The following MRM1 variants were observed in gnomAD, a reference collection of about 807,000 sequenced individuals.
MRM1 encodes rRNA methyltransferase 1, mitochondrial.
A neutral mutation model predicts 25.0 loss-of-function variants in MRM1; 24 were observed. The ratio of observed to expected loss-of-function variants is 0.96; its 90% CI spans 0.69 to 1.35. The LOEUF is 1.35. Ranked by LOEUF, MRM1 falls within the 40% of genes most tolerant of loss-of-function variation. MRM1 has a pLI of 0.00. For synonymous variants in MRM1, 188 were observed against 199.2 expected (o/e 0.94, Z 0.47); for missense variants, 431 against 464.1 (o/e 0.93, Z 0.65).
intron 2 of MRM1, among the ~76,000 whole-genome samples, chr17:36,605,907 C>T (rs931352768): frequency 1.3e-5 from 2 of 152,162 alleles, no homozygotes; most frequent in African/African-American, 4.8e-5. Flanking sequence ...TGGCTCTCAG[C>T]ACAGCAGGCA....
the MRM1 span, among the ~76,000 whole-genome samples, chr17:36,633,795 A>ATAAT: frequency 6.6e-6 from 1 of 151,982 alleles, no homozygotes; most frequent in African/African-American, 2.4e-5. Flanking sequence ...GAAGGAGGAG[A>ATAAT]TAATTTAGGC....
the MRM1 span, among the ~76,000 whole-genome samples, chr17:36,632,161 T>C: frequency 2.0e-5 from 3 of 152,166 alleles, no homozygotes; most frequent in African/African-American, 7.2e-5. Flanking sequence ...CTAGAGGTTT[T>C]TGATGTGCCC....
chr17:36,602,698 T>C lies in MRM1; in HGVS notation c.636+52T>C. 1.9e-6 allele frequency: 3 copies of C among 1,598,192 alleles called. No homozygotes were observed. The highest frequency in any genetic ancestry group is 2.6e-6 in the Non-Finnish European group (3 of 1,165,688). ...CAGATGTGAGCCCAGCTCAGCCTCT[T>C]CAAGGGGACGAAGCTAGCCCCTGGC... is the stretch of plus-strand genomic sequence containing the variant. On this transcript the variant is annotated intron_variant, in intron 2 of 4. Transcript: ENST00000614766. This position sits in a 1 kb window ranked among gnomAD's most constrained non-coding sequence, Gnocchi z 4.1.
intron 2 of MRM1, among the ~76,000 whole-genome samples, chr17:36,607,389 G>A (rs2074939349): frequency 6.6e-6 from 1 of 152,096 alleles, no homozygotes; most frequent in Admixed American, 6.5e-5. Flanking sequence ...GGGAGGCCAA[G>A]GTGGGAGGAT....
chr17:36,614,416 T>C, the MRM1 span, among the ~76,000 whole-genome samples: 1 of 152,200 alleles, frequency 6.6e-6, no homozygotes, highest in Non-Finnish European at 1.5e-5. Flanking sequence ...AGTTTTATGT[T>C]GGCCGCTGAC....
the MRM1 span, among the ~76,000 whole-genome samples, chr17:36,627,674 G>A: frequency 1.2e-5 from 1 of 83,728 alleles, no homozygotes; most frequent in Non-Finnish European, 2.2e-5. Context: ...TTTGGACACT[G>A]TTTTTTTTTT....
the MRM1 span, among the ~76,000 whole-genome samples, chr17:36,621,859 C>T: frequency 6.6e-6 from 1 of 152,048 alleles, no homozygotes; most frequent in Non-Finnish European, 1.5e-5. Flanking sequence ...TCTGTCTATC[C>T]CCGTCTTCCT....
chr17:36,628,238 T>A, the MRM1 span, among the ~76,000 whole-genome samples: 1 of 152,240 alleles, frequency 6.6e-6, no homozygotes, highest in East Asian at 1.9e-4. Context: ...TCCTCTGGCC[T>A]TGGCCTCTCA....
chr17:36,619,523 CCAGGT>C, the MRM1 span, among the ~76,000 whole-genome samples: 1 of 152,118 alleles, frequency 6.6e-6, no homozygotes, highest in Admixed American at 6.6e-5. Flanking sequence ...CAAAAATTAG[CCAGGT>C]GTGGTAGCGC....
At chr17:36,606,027 T>C (rs2074925526) in intron 2 of MRM1, among the ~76,000 whole-genome samples, 1 of 152,198 alleles carries the variant, frequency 6.6e-6, no homozygotes, top group African/African-American at 2.4e-5. Flanking sequence ...CTGGAGACCA[T>C]ACCTCATGTG....
chr17:36,603,528 A>C (rs543964509), intron 2 of MRM1, among the ~76,000 whole-genome samples: 4 of 151,838 alleles, frequency 2.6e-5, no homozygotes, highest in African/African-American at 9.7e-5. Flanking sequence ...CAGCCTTCCA[A>C]GTAACTGGGA....
At chr17:36,624,337 C>T in the MRM1 span, among the ~76,000 whole-genome samples, 1 of 152,176 alleles carries the variant, frequency 6.6e-6, no homozygotes, top group Non-Finnish European at 1.5e-5. The surrounding 1 kb of genome is among the most constrained non-coding windows in gnomAD (Gnocchi z 4.0). Flanking sequence ...TGTCAGCTGC[C>T]CCACCTGGGG....
the MRM1 span, among the ~76,000 whole-genome samples, chr17:36,622,387 C>A: frequency 6.6e-6 from 1 of 152,022 alleles, no homozygotes; most frequent in Non-Finnish European, 1.5e-5. Context: ...GCCTGGGCAA[C>A]ATGGTGAAAC....
Position 36,608,797 on chromosome 17 carries a change from GT to G in MRM1, c.*383del. 5.2e-6 allele frequency: 1 copy of G among 192,086 alleles called. No individual in the cohort carries two copies. The highest frequency in any genetic ancestry group is 1.1e-5 in the Non-Finnish European group (1 of 94,854). The allele number at this position is 192,086 out of a possible 1,614,324, so 11.9% of individuals were successfully genotyped here. A position where few individuals can be genotyped will look rare whatever the true frequency, so the allele number is the denominator to read the frequency against. On this transcript the variant is annotated 3_prime_UTR_variant, in exon 5 of 5. Coordinates refer to ENST00000614766, the MANE Select transcript of MRM1 (RefSeq NM_024864.5). ...CTGTGGCAAATGTGTGTATGAGAAT[GT>G]GGGGGGTGGAGGGCGGGGCCCTGAT... is the stretch of plus-strand genomic sequence containing the variant.
rs532435060 is a variant in MRM1 at position 36,608,487 on chromosome 17, C to T, written c.*72C>T. On this transcript the variant is annotated 3_prime_UTR_variant, in exon 5 of 5. Transcript: ENST00000614766. ...ACCTGCCTCCGCCGGCTCCAGTGTG[C>T]GGGGAGCCTCTGCCTGAGTGTGCAC... 27 of 1,118,380 alleles carry T rather than the reference C, an allele frequency of 2.4e-5. 1 individual carries two copies. The South Asian group carries it at 3.4e-4, about 14-fold the overall frequency. The allele number at this position is 1,118,380 out of a possible 1,614,324, so 69.3% of individuals were successfully genotyped here. A position where few individuals can be genotyped will look rare whatever the true frequency, so the allele number is the denominator to read the frequency against.
the MRM1 span, among the ~76,000 whole-genome samples, chr17:36,631,701 T>C: frequency 0.012 from 1,841 of 152,316 alleles, 46 homozygotes; most frequent in African/African-American, 0.041. Flanking sequence ...TAGGAGTCTG[T>C]CCCTGGAGCC....
the MRM1 span, among the ~76,000 whole-genome samples, chr17:36,627,297 G>A: frequency 4.6e-5 from 7 of 152,332 alleles, no homozygotes; most frequent in African/African-American, 1.4e-4. Context: ...AGCGGGCTCC[G>A]TCACCATGGC....
the MRM1 span, among the ~76,000 whole-genome samples, chr17:36,630,028 G>A: frequency 6.6e-6 from 1 of 152,220 alleles, no homozygotes; most frequent in Non-Finnish European, 1.5e-5. Flanking sequence ...TCAGGTTTGT[G>A]TCCCTGTTTA....
intron 2 of MRM1, among the ~76,000 whole-genome samples, chr17:36,606,908 G>GTTTTTT (rs1476948244): frequency 1.4e-5 from 2 of 141,386 alleles, no homozygotes; most frequent in African/African-American, 2.7e-5. Context: ...ACTGCGCCTG[G>GTTTTTT]TTTTTTGTTT....
Sources: allele counts gnomAD v4.1 joint callset (sites outside exome capture counted in the v4.1 genomes callset), GRCh38; gene constraint gnomAD v4.1.1; non-coding constraint Gnocchi (gnomAD v3.1); transcripts MANE v1.5; gene names NCBI Gene and HGNC (gene_info 2026-07-23, HGNC 2026-07-21).